Variants in GNAO1 observed in about 807,000 individuals in gnomAD.
GNAO1 encodes the protein G protein subunit alpha o1.
For synonymous variants in GNAO1, 164 were observed against 180.7 expected (o/e 0.91, Z 0.74); for missense variants, 166 against 478.7 (o/e 0.35, Z 6.10).
chr16:56,258,082 T>C lies in GNAO1; in HGVS notation c.162-17849T>C, dbSNP rs561093700. ...TACTGCAGGCCAAACAAAATACATC[T>C]CCCTGGCCCAAATCCAGGCTGCAGA... On this transcript the variant is annotated intron_variant, in intron 2 of 8. Coordinates refer to ENST00000262493, the MANE Select transcript of GNAO1 (RefSeq NM_020988.3). Among the ~76,000 whole-genome samples, 125 of 152,332 alleles carry C rather than the reference T, an allele frequency of 8.2e-4. 3 individuals carry two copies. The South Asian group carries it at 0.026, about 31-fold the overall frequency.
chr16:56,334,215 A>G (rs1411443872), intron 4 of GNAO1, among the ~76,000 whole-genome samples: 1 of 152,220 alleles, frequency 6.6e-6, no homozygotes, highest in Non-Finnish European at 1.5e-5. Context: ...TGGAGAAGGC[A>G]GGGAACTGCT....
chr16:56,328,678 C>T lies in GNAO1; in HGVS notation c.351C>T (p.Thr117=), dbSNP rs770385484. ...VCDVVSRMED[T]EPFSAELLSA... ...ATGTGGTGAGTCGGATGGAAGACAC[C>T]GAGCCCTTCTCTGCAGAGCTGCTTT... The change falls in exon 4 of 9, where the codon ACC becomes ACT. Residue 117 remains threonine, a synonymous_variant. Coordinates refer to ENST00000262493, the MANE Select transcript of GNAO1 (RefSeq NM_020988.3). 33 of 1,614,096 alleles carry T rather than the reference C, an allele frequency of 2.0e-5. No individual in the cohort carries two copies. Among genetic ancestry groups the T allele is most frequent in the Non-Finnish European group, 2.6e-5 (31 of 1,180,022 alleles).
chr16:56,285,954 G>A (rs1296466406), intron 3 of GNAO1, among the ~76,000 whole-genome samples: 1 of 152,156 alleles, frequency 6.6e-6, no homozygotes, highest in Non-Finnish European at 1.5e-5. Flanking sequence ...GATATACCGT[G>A]GAGTAGCCTA....
chr16:56,260,879 G>A (rs540991238), intron 2 of GNAO1, among the ~76,000 whole-genome samples: 1 of 152,214 alleles, frequency 6.6e-6, no homozygotes, highest in Non-Finnish European at 1.5e-5. Context: ...GGCTGGGCTG[G>A]GTTTTGCTGT....
At chr16:56,343,419 T>C (rs1281373680) in intron 6 of GNAO1, among the ~76,000 whole-genome samples, 1 of 147,154 alleles carries the variant, frequency 6.8e-6, no homozygotes, top group African/African-American at 2.5e-5. Context: ...GCCCAGGAGG[T>C]AGAGGCTGCA....
At chr16:56,250,496 A>G (rs2143454115) in intron 2 of GNAO1, among the ~76,000 whole-genome samples, 1 of 152,292 alleles carries the variant, frequency 6.6e-6, no homozygotes, top group South Asian at 2.1e-4. Context: ...GGTAGAAAAA[A>G]GAGCATGCAA....
chr16:56,201,533 C>T (rs563348861), intron 2 of GNAO1, among the ~76,000 whole-genome samples: 14 of 152,268 alleles, frequency 9.2e-5, no homozygotes, highest in East Asian at 7.7e-4. Flanking sequence ...AGATCACCTA[C>T]GTAGACTGGA....
chr16:56,287,066 C>A (rs2037179111), intron 3 of GNAO1, among the ~76,000 whole-genome samples: 1 of 152,200 alleles, frequency 6.6e-6, no homozygotes, highest in Non-Finnish European at 1.5e-5. Flanking sequence ...CTGCTGCTCC[C>A]ATGGCAGCCT....
intron 2 of GNAO1, among the ~76,000 whole-genome samples, chr16:56,236,679 T>C (rs1169969566): frequency 7.2e-5 from 11 of 152,202 alleles, no homozygotes; most frequent in East Asian, 3.8e-4. Context: ...CCAGAGCAAA[T>C]TGGTCTCGTG....
At chr16:56,223,161 T>C (rs944090439) in intron 2 of GNAO1, among the ~76,000 whole-genome samples, 2 of 152,334 alleles carry the variant, frequency 1.3e-5, no homozygotes, top group Admixed American at 1.3e-4. Context: ...TGTTCCCTTC[T>C]GGGGCTTCTA....
At chr16:56,242,517 A>G (rs1421651170) in intron 2 of GNAO1, among the ~76,000 whole-genome samples, 2 of 152,226 alleles carry the variant, frequency 1.3e-5, no homozygotes, top group African/African-American at 4.8e-5. Context: ...ATAAACTTAT[A>G]CATCTATGAC....
chr16:56,256,348 G>T (rs545705141), intron 2 of GNAO1, among the ~76,000 whole-genome samples: 3 of 152,092 alleles, frequency 2.0e-5, no homozygotes, highest in African/African-American at 7.2e-5. Flanking sequence ...TTCTACCTGC[G>T]CTCCATTACG....
At chr16:56,324,092 CT>C (rs1300847633) in intron 3 of GNAO1, among the ~76,000 whole-genome samples, 1 of 152,212 alleles carries the variant, frequency 6.6e-6, no homozygotes, top group Non-Finnish European at 1.5e-5. Context: ...GCCTAGACCC[CT>C]GGGCTATCTG....
At chr16:56,327,930 C>T (rs765785989) in intron 3 of GNAO1, among the ~76,000 whole-genome samples, 2 of 152,144 alleles carry the variant, frequency 1.3e-5, no homozygotes, top group African/African-American at 4.8e-5. Flanking sequence ...ACAAACAAAT[C>T]AAGAAAAATT....
rs2037699678 is a variant in GNAO1 at position 56,332,536 on chromosome 16, C to G, written c.465-2193C>G. ...ATCTCTCTGACTCTTCTGTTTACCA[C>G]CTCACACACGTGTGCACACTCACTT... On this transcript the variant is annotated intron_variant, in intron 4 of 8. Coordinates refer to ENST00000262493, the MANE Select transcript of GNAO1 (RefSeq NM_020988.3). 2.0e-5 allele frequency among the ~76,000 whole-genome samples: 3 copies of G among 152,240 alleles called. No individual in the cohort carries two copies. The South Asian group carries it at 6.2e-4, about 31-fold the overall frequency.
At chr16:56,222,040 GT>G (rs1272946028) in intron 2 of GNAO1, among the ~76,000 whole-genome samples, 1 of 152,194 alleles carries the variant, frequency 6.6e-6, no homozygotes, top group African/African-American at 2.4e-5. Flanking sequence ...AAGCACAGAA[GT>G]TTTGCAATGG....
At chr16:56,289,995 G>A (rs1228719184) in intron 3 of GNAO1, among the ~76,000 whole-genome samples, 6 of 152,192 alleles carry the variant, frequency 3.9e-5, no homozygotes, top group African/African-American at 7.2e-5. Flanking sequence ...GCTTAAAAGC[G>A]CTCAGTGGCA....
chr16:56,276,347 C>T (rs1183302792), intron 3 of GNAO1: 1 of 317,652 alleles, frequency 3.1e-6, no homozygotes, highest in Non-Finnish European at 5.9e-6. Context: ...TAAATTGGAG[C>T]TGCCACAACA....
intron 3 of GNAO1, among the ~76,000 whole-genome samples, chr16:56,297,833 GGA>G (rs1185477333): frequency 6.6e-6 from 1 of 152,032 alleles, no homozygotes; most frequent in Non-Finnish European, 1.5e-5. Flanking sequence ...GCTGGGTCAG[GGA>G]GTGTGTATTC....
Sources: allele counts gnomAD v4.1 joint callset (sites outside exome capture counted in the v4.1 genomes callset), GRCh38; gene constraint gnomAD v4.1.1; transcripts MANE v1.5; gene names NCBI Gene and HGNC (gene_info 2026-07-23, HGNC 2026-07-21).